The following MCUB variants were observed in gnomAD, a reference collection of about 807,000 sequenced individuals.
The protein encoded by MCUB is mitochondrial calcium uniporter dominant negative subunit beta, also known as calcium uniporter regulatory subunit MCUb, mitochondrial.
In MCUB, 46 loss-of-function variants were observed where a neutral mutation model predicts 41.4. The ratio of observed to expected loss-of-function variants is 1.11; its 90% CI spans 0.88 to 1.42. The LOEUF (loss-of-function observed/expected upper bound fraction) is 1.42, where lower values mean the gene tolerates loss of function less well. Among genes scored for constraint, MCUB ranks in the 40% most tolerant of loss-of-function variants. The pLI, the probability that MCUB is intolerant of heterozygous loss-of-function variation, is 0.00. For missense variants in MCUB, 403 were observed against 404.9 expected, an observed-to-expected ratio of 1.00 and a Z score of 0.04; for synonymous variants, 148 against 148.2, an observed-to-expected ratio of 1.00 and a Z score of 0.01.
intron 1 of MCUB, among the ~76,000 whole-genome samples, chr4:109,578,695 A>G (rs1727092054): frequency 6.6e-6 from 1 of 152,046 alleles, no homozygotes; most frequent in Admixed American, 6.6e-5. Context: ...TTTTGTAGAG[A>G]CAAGGTCTCA....
At chr4:109,614,543 T>C (rs1728085962) in intron 1 of MCUB, among the ~76,000 whole-genome samples, 1 of 151,446 alleles carries the variant, frequency 6.6e-6, no homozygotes. Flanking sequence ...GAACCCAACA[T>C]GCAGGCACCC....
intron 1 of MCUB, among the ~76,000 whole-genome samples, chr4:109,621,854 T>C (rs564808932): frequency 6.6e-6 from 1 of 152,240 alleles, no homozygotes; most frequent in Non-Finnish European, 1.5e-5. Flanking sequence ...AACATGAAAC[T>C]TATAATGTGG....
chr4:109,583,110 A>G (rs57590851), intron 1 of MCUB, among the ~76,000 whole-genome samples: 32,537 of 152,016 alleles, frequency 0.21, 4,844 homozygotes, highest in African/African-American at 0.41. Context: ...AAAGTCATTG[A>G]TAGCTTGATG....
chr4:109,668,252 C>T (rs1729387858), intron 4 of MCUB, among the ~76,000 whole-genome samples: 1 of 152,076 alleles, frequency 6.6e-6, no homozygotes, highest in African/African-American at 2.4e-5. Flanking sequence ...TAACTGTAAA[C>T]ATGAATTCAT....
chr4:109,612,349 C>A (rs2126133639), intron 1 of MCUB, among the ~76,000 whole-genome samples: 1 of 150,998 alleles, frequency 6.6e-6, no homozygotes, highest in East Asian at 2.0e-4. Context: ...TCGCTGCAAC[C>A]ACCACCTCCC....
At chr4:109,612,983 G>GCCGC (rs1728050101) in intron 1 of MCUB, among the ~76,000 whole-genome samples, 1 of 152,080 alleles carries the variant, frequency 6.6e-6, no homozygotes, top group Non-Finnish European at 1.5e-5. Flanking sequence ...GCGGGCGTCT[G>GCCGC]TAGTCCCAGC....
chr4:109,644,147 T>C (rs796947665), intron 1 of MCUB, among the ~76,000 whole-genome samples: 46 of 152,322 alleles, frequency 3.0e-4, no homozygotes, highest in African/African-American at 1.1e-3. Context: ...TATAGTTAAA[T>C]ATGTGTGTAT....
chr4:109,619,026 GC>G (rs1176474287), intron 1 of MCUB, among the ~76,000 whole-genome samples: 2 of 128,736 alleles, frequency 1.6e-5, no homozygotes, highest in African/African-American at 6.6e-5. Flanking sequence ...CTATCTACCT[GC>G]CTGCCTACCT....
chr4:109,602,134 T>C (rs1727758841), intron 1 of MCUB, among the ~76,000 whole-genome samples: 2 of 152,224 alleles, frequency 1.3e-5, no homozygotes, highest in South Asian at 4.1e-4. Context: ...GTCAGATGGG[T>C]AGTTTACAGA....
chr4:109,578,434 C>A (rs1408717997), intron 1 of MCUB, among the ~76,000 whole-genome samples: 1 of 151,898 alleles, frequency 6.6e-6, no homozygotes, highest in African/African-American at 2.4e-5. Flanking sequence ...AAATGTTTCA[C>A]ACAGTTAGTA....
chr4:109,676,552 G>A (rs1316765722), intron 4 of MCUB, among the ~76,000 whole-genome samples: 1 of 152,102 alleles, frequency 6.6e-6, no homozygotes, highest in African/African-American at 2.4e-5. Context: ...GCTTTTTCTA[G>A]TCTGCTCTTC....
chr4:109,580,840 G>A (rs1346994875), intron 1 of MCUB, among the ~76,000 whole-genome samples: 1 of 152,172 alleles, frequency 6.6e-6, no homozygotes. Flanking sequence ...TGTTCACTCT[G>A]ATGGTAGTTT....
intron 4 of MCUB, among the ~76,000 whole-genome samples, chr4:109,668,490 C>G (rs111884953): frequency 5.3e-5 from 8 of 152,026 alleles, no homozygotes; most frequent in Non-Finnish European, 8.8e-5. Flanking sequence ...CATAGTATAT[C>G]TTTCTTCATC....
intron 1 of MCUB, among the ~76,000 whole-genome samples, chr4:109,637,906 A>C (rs1375920429): frequency 6.6e-6 from 1 of 152,260 alleles, no homozygotes; most frequent in Non-Finnish European, 1.5e-5. Flanking sequence ...AATATAATTA[A>C]GTAAATTTTT....
At chr4:109,621,819 AC>A (rs1476285227) in intron 1 of MCUB, among the ~76,000 whole-genome samples, 1 of 152,092 alleles carries the variant, frequency 6.6e-6, no homozygotes, top group African/African-American at 2.4e-5. Flanking sequence ...TAGTGTACTT[AC>A]ACCTCTGTTG....
chr4:109,560,474 G>A, intron 1 of MCUB, 38 bp downstream of exon 1: 1 of 1,026,796 alleles, frequency 9.7e-7, no homozygotes, highest in Non-Finnish European at 1.3e-6. Context: ...TTCGGGGTAG[G>A]CTGGTGCAAA....
intron 1 of MCUB, among the ~76,000 whole-genome samples, chr4:109,641,630 A>G (rs1728717499): frequency 6.6e-6 from 1 of 152,216 alleles, no homozygotes; most frequent in South Asian, 2.1e-4. Flanking sequence ...AAGCAGGGTT[A>G]CCACAGCCCT....
chr4:109,645,267 GA>G (rs1347410414), intron 1 of MCUB, among the ~76,000 whole-genome samples: 3 of 151,986 alleles, frequency 2.0e-5, no homozygotes, highest in Non-Finnish European at 4.4e-5. Context: ...AGTTACAACT[GA>G]ACTGTCACTA....
At chr4:109,584,488 C>T (rs1727257686) in intron 1 of MCUB, among the ~76,000 whole-genome samples, 1 of 152,090 alleles carries the variant, frequency 6.6e-6, no homozygotes, top group Non-Finnish European at 1.5e-5. Context: ...TTCTTGCCTT[C>T]TGCTAGCTTT....
Sources: gnomAD v4.1 joint callset for allele counts (sites outside exome capture counted in the v4.1 genomes callset) on GRCh38, gnomAD v4.1.1 for gene constraint, MANE v1.5 for transcripts, NCBI Gene and HGNC (gene_info 2026-07-23, HGNC 2026-07-21) for gene names.